MEGF9: variants seen among roughly 807,000 people sequenced by gnomAD.
MEGF9 encodes the protein multiple EGF like domains 9.
A neutral mutation model predicts 46.8 loss-of-function variants in MEGF9; 6 were observed. The observed-to-expected ratio is 0.13, with a 90% CI of 0.07 to 0.25. The LOEUF is 0.25. Ranked by LOEUF, MEGF9 falls within the 10% of genes least tolerant of loss-of-function variation. MEGF9 has a pLI of 1.00. For missense variants in MEGF9, 683 were observed against 792.4 expected (o/e 0.86, Z 1.66); for synonymous variants, 302 against 330.7 (o/e 0.91, Z 0.94).
At chr9:120,629,761 C>T (rs1448164054) in intron 2 of MEGF9, among the ~76,000 whole-genome samples, 4 of 151,982 alleles carry the variant, frequency 2.6e-5, no homozygotes, top group Middle Eastern at 3.4e-3. Flanking sequence ...TGGTGAAACC[C>T]GTCTCTACTA....
At chr9:120,711,857 ACACACACACACACACC>A (rs2043954818) in intron 1 of MEGF9, among the ~76,000 whole-genome samples, 7 of 143,944 alleles carry the variant, frequency 4.9e-5, no homozygotes. Flanking sequence ...ACACACACAC[ACACACACACACACACC>A]CACAGGCCTG....
At chr9:120,648,287 C>G (rs935257388) in intron 2 of MEGF9, among the ~76,000 whole-genome samples, 16 of 151,512 alleles carry the variant, frequency 1.1e-4, no homozygotes, top group Non-Finnish European at 1.9e-4. Flanking sequence ...GTTCATTCAT[C>G]AAGTATTTAC....
chr9:120,687,681 TG>T (rs2043829400), intron 1 of MEGF9, among the ~76,000 whole-genome samples: 3 of 148,748 alleles, frequency 2.0e-5, no homozygotes, highest in Admixed American at 6.7e-5. Flanking sequence ...TGTGTGTGTG[TG>T]TGTGTGTGTG....
intron 5 of MEGF9, among the ~76,000 whole-genome samples, chr9:120,606,529 T>C (rs1267785988): frequency 6.6e-6 from 1 of 152,224 alleles, no homozygotes; most frequent in Non-Finnish European, 1.5e-5. Flanking sequence ...TTTGTGTAGA[T>C]TACAGCTACT....
At chr9:120,677,549 A>AC (rs1180670361) in intron 1 of MEGF9, among the ~76,000 whole-genome samples, 2 of 152,230 alleles carry the variant, frequency 1.3e-5, no homozygotes, top group Non-Finnish European at 2.9e-5. Context: ...AATTGGCAAC[A>AC]CCTTGCATTT....
intron 1 of MEGF9, among the ~76,000 whole-genome samples, chr9:120,712,303 G>C (rs1411136191): frequency 1.3e-5 from 2 of 152,090 alleles, no homozygotes; most frequent in African/African-American, 4.8e-5. Flanking sequence ...GCAACCTTAT[G>C]AGTTAAGTAC....
intron 1 of MEGF9, among the ~76,000 whole-genome samples, chr9:120,687,599 CAAT>C (rs1325450419): frequency 2.0e-5 from 3 of 150,956 alleles, no homozygotes; most frequent in African/African-American, 7.3e-5. Flanking sequence ...AGAAAAATCT[CAAT>C]AAAATGGTGA....
intron 1 of MEGF9, 26 bp from the exon 2 acceptor site, chr9:120,659,601 A>G (rs2274144): frequency 0.07 from 107,461 of 1,534,724 alleles, 4,273 homozygotes; most frequent in African/African-American, 0.14. Flanking sequence ...GGAAAGAGAC[A>G]TTACCAACTA....
intron 1 of MEGF9, among the ~76,000 whole-genome samples, chr9:120,688,032 C>T (rs1213610098): frequency 6.6e-6 from 1 of 151,876 alleles, no homozygotes; most frequent in African/African-American, 2.4e-5. Context: ...CGTACTCAAA[C>T]TTGTACTATA....
intron 1 of MEGF9, among the ~76,000 whole-genome samples, chr9:120,698,045 A>G (rs2043886348): frequency 6.6e-6 from 1 of 152,200 alleles, no homozygotes; most frequent in African/African-American, 2.4e-5. Flanking sequence ...CAAGAACCCT[A>G]TTTGGTAGGT....
chr9:120,666,178 T>C (rs1219416158), intron 1 of MEGF9, among the ~76,000 whole-genome samples: 1 of 152,216 alleles, frequency 6.6e-6, no homozygotes, highest in Non-Finnish European at 1.5e-5. Context: ...CTTTAGGTAG[T>C]ACACTTGCTT....
rs2043405685 is a variant in MEGF9, at chr9:120,603,284, C to T, written c.*1906G>A. The T allele has an allele frequency of 6.6e-6, 1 of 152,158 alleles. No homozygotes were observed. Among genetic ancestry groups the T allele is most frequent in the Non-Finnish European group, 1.5e-5 (1 of 68,034 alleles). 9.4% of individuals were successfully genotyped at this position (152,158 alleles called of 1,614,324 possible). On this transcript the variant is annotated 3_prime_UTR_variant, in exon 6 of 6. Coordinates refer to ENST00000373930, the MANE Select transcript of MEGF9 (RefSeq NM_001080497.3). The stretch of plus-strand genomic sequence containing the variant: ...GGGCTATGGTGTGGAAGAGAGGACA[C>T]ACATATGGAAAAGTGCTTTGCAAAC...
intron 2 of MEGF9, among the ~76,000 whole-genome samples, chr9:120,652,142 G>GCACACA (rs869130385): frequency 7.6e-4 from 20 of 26,150 alleles, no homozygotes; most frequent in African/African-American, 2.7e-3. Context: ...AAACAAACAA[G>GCACACA]CACACACACA....
intron 1 of MEGF9, among the ~76,000 whole-genome samples, chr9:120,673,258 C>A (rs1035558837): frequency 6.6e-6 from 1 of 151,942 alleles, no homozygotes; most frequent in Non-Finnish European, 1.5e-5. Flanking sequence ...ATAATGCAAA[C>A]AATTAGATCT....
chr9:120,711,871 A>ACACACACACACACACACACACCCC (rs145059704), intron 1 of MEGF9, among the ~76,000 whole-genome samples: 2 of 150,108 alleles, frequency 1.3e-5, no homozygotes, highest in African/African-American at 5.0e-5. Context: ...ACACACACAC[A>ACACACACACACACACACACACCCC]CCCACAGGCC....
chr9:120,633,852 T>C (rs1255355495), intron 2 of MEGF9, among the ~76,000 whole-genome samples: 1 of 152,174 alleles, frequency 6.6e-6, no homozygotes, highest in Non-Finnish European at 1.5e-5. Context: ...CCAGTGGTCA[T>C]TCAGGAGTAT....
At chr9:120,615,274 AGCGTGTGTGTGTG>A (rs1175298259) in intron 3 of MEGF9, among the ~76,000 whole-genome samples, 2 of 146,760 alleles carry the variant, frequency 1.4e-5, no homozygotes, top group African/African-American at 5.1e-5. Context: ...CATATATGTA[AGCGTGTGTGTGTG>A]CATGTGTGTG....
chr9:120,688,825 C>A (rs16910027), intron 1 of MEGF9, among the ~76,000 whole-genome samples: 2,413 of 152,202 alleles, frequency 0.016, 62 homozygotes, highest in African/African-American at 0.055. Flanking sequence ...AGGTTCAAAG[C>A]AATGTTCTGT....
chr9:120,689,653 G>A (rs1426235900), intron 1 of MEGF9, among the ~76,000 whole-genome samples: 2 of 152,236 alleles, frequency 1.3e-5, no homozygotes, highest in Non-Finnish European at 1.5e-5. Context: ...CAGATGGTAG[G>A]CTCATATCCT....
Sources: allele counts gnomAD v4.1 joint callset (sites outside exome capture counted in the v4.1 genomes callset), GRCh38; gene constraint gnomAD v4.1.1; transcripts MANE v1.5; gene names NCBI Gene and HGNC (gene_info 2026-07-23, HGNC 2026-07-21).